Variants in ITPR1 observed in about 807,000 individuals in gnomAD.
ITPR1 encodes inositol 1,4,5-trisphosphate receptor type 1, also known as inositol 1,4,5-trisphosphate-gated calcium channel ITPR1.
ITPR1 carries 96 observed loss-of-function variants against 318.4 expected under a neutral mutation model. The ratio of observed to expected loss-of-function variants is 0.30; its 90% CI spans 0.26 to 0.36. The LOEUF is 0.36. Among genes scored for constraint, ITPR1 ranks in the 10% least tolerant of loss-of-function variants. The probability of loss-of-function intolerance (pLI) is 1.00; values close to 1 mark genes in which losing one functional copy is unlikely to be tolerated. For synonymous variants in ITPR1, 1,312 were observed against 1,289.9 expected (o/e 1.02, Z -0.37); for missense variants, 2,440 against 3,460.2 (o/e 0.71, Z 7.40).
intron 17 of ITPR1, among the ~76,000 whole-genome samples, chr3:4,665,512 T>A (rs1245605941): frequency 2.0e-5 from 3 of 152,234 alleles, no homozygotes; most frequent in Admixed American, 6.5e-5. Context: ...TGCAGACATC[T>A]TTCTATGAGA....
At chr3:4,558,686 A>G (rs2125012782) in intron 4 of ITPR1, among the ~76,000 whole-genome samples, 1 of 152,316 alleles carries the variant, frequency 6.6e-6, no homozygotes, top group East Asian at 1.9e-4. Flanking sequence ...AACTATGAAT[A>G]TGTCTTCTCT....
rs527430501 is a variant in ITPR1, at chr3:4,787,271, G to A, written c.6616-676G>A. Reference sequence around the variant, plus strand: ...AAATTAATGGGTTCACAGGGAGGTGGAGGTTGCAGTGAGCTGAGATCGCAC... The same window carrying A: ...AAATTAATGGGTTCACAGGGAGGTGAAGGTTGCAGTGAGCTGAGATCGCAC... On this transcript the variant is annotated intron_variant, in intron 51 of 61. Transcript: ENST00000649015. Among the ~76,000 whole-genome samples the A allele has an allele frequency of 4.1e-5, 6 of 145,722 alleles. No individual in the cohort carries two copies. In the South Asian group the frequency reaches 1.3e-3, roughly 32 times the overall value.
In ITPR1 at chr3:4,710,769, T is replaced by TA. The variant is rs2041296770; in HGVS notation, c.4991+302dup. On this transcript the variant is annotated intron_variant, in intron 38 of 61. Coordinates refer to ENST00000649015, the MANE Select transcript of ITPR1 (RefSeq NM_001378452.1). The surrounding 1 kb of genome is among the most constrained non-coding windows in gnomAD (Gnocchi z 4.2). ...CCCACCGTGTGCTGTGGTACAGACATAAAAAAGCCATGATCCCTCAGCCCT... is the reference window on the plus strand; with the variant it reads ...CCCACCGTGTGCTGTGGTACAGACATAAAAAAAGCCATGATCCCTCAGCCCT... 6.6e-6 allele frequency among the ~76,000 whole-genome samples: 1 copy of TA among 152,164 alleles called. No individual in the cohort carries two copies. Among genetic ancestry groups the TA allele is most frequent in the African/African-American group, 2.4e-5 (1 of 41,436 alleles).
At chr3:4,677,704 A>T (rs1051157360) in intron 24 of ITPR1, among the ~76,000 whole-genome samples, 1 of 152,196 alleles carries the variant, frequency 6.6e-6, no homozygotes, top group African/African-American at 2.4e-5. Flanking sequence ...TGTTGGTAAC[A>T]TGGTTTATTT....
In ITPR1 at chr3:4,753,893, A is replaced by G. The variant is rs1233355446; in HGVS notation, c.5545-12637A>G. 3.3e-5 allele frequency among the ~76,000 whole-genome samples: 5 copies of G among 151,956 alleles called. No homozygotes were observed. The East Asian group carries it at 7.7e-4, about 23-fold the overall frequency. On this transcript the variant is annotated intron_variant, in intron 44 of 61. Transcript: ENST00000649015. ...CAAGTGGTTCTCCTCCTCTTTCTCC[A>G]TTGCAGATGAGGGAACTGAGGATGG... is the stretch of plus-strand genomic sequence containing the variant.
At chr3:4,751,830 G>C (rs1269142186) in intron 44 of ITPR1, among the ~76,000 whole-genome samples, 1 of 152,198 alleles carries the variant, frequency 6.6e-6, no homozygotes, top group Non-Finnish European at 1.5e-5. Context: ...TCCTGATGCA[G>C]GGACAGTGAA....
Position 4,823,837 on chromosome 3 carries a change from A to G in ITPR1, c.8028+5595A>G, listed in dbSNP as rs553930145. On this transcript the variant is annotated intron_variant, in intron 60 of 61. Coordinates refer to ENST00000649015, the MANE Select transcript of ITPR1 (RefSeq NM_001378452.1). ...CCTTGACTGGATCACTAGGCACTAT[A>G]TACATGTAACACAATTTCATATATA... Among the ~76,000 whole-genome samples, 135 of 152,346 alleles carry G rather than the reference A, an allele frequency of 8.9e-4. 1 individual carries two copies. The highest frequency in any genetic ancestry group is 3.1e-3 in the African/African-American group (129 of 41,572).
intron 52 of ITPR1, among the ~76,000 whole-genome samples, chr3:4,790,128 T>C (rs530635862): frequency 6.5e-4 from 99 of 152,320 alleles, no homozygotes; most frequent in African/African-American, 2.3e-3. Flanking sequence ...TTTTCACCTT[T>C]TCTGGTGAGA....
rs1308602636 is a variant in ITPR1 at position 4,633,058 on chromosome 3, C to T, written c.279+5180C>T. On this transcript the variant is annotated intron_variant, in intron 5 of 61. Coordinates refer to ENST00000649015, the MANE Select transcript of ITPR1 (RefSeq NM_001378452.1). Reference sequence around the variant, plus strand: ...GGTTCAAGCGATTTCCCTGCCTTAGCGTCCTGAGTAGCTGGGACTTCAGGG... The same window carrying T: ...GGTTCAAGCGATTTCCCTGCCTTAGTGTCCTGAGTAGCTGGGACTTCAGGG... 2.0e-5 allele frequency among the ~76,000 whole-genome samples: 3 copies of T among 149,964 alleles called. No homozygotes were observed. In the Admixed American group the frequency reaches 2.0e-4, roughly 10 times the overall value.
intron 2 of ITPR1, among the ~76,000 whole-genome samples, chr3:4,513,687 A>G (rs1323199389): frequency 6.6e-6 from 1 of 152,240 alleles, no homozygotes; most frequent in South Asian, 2.1e-4. Context: ...AGAATTGTGC[A>G]TAAGAAGAAA....
At chr3:4,531,534 C>T (rs1175985868) in intron 4 of ITPR1, among the ~76,000 whole-genome samples, 1 of 152,082 alleles carries the variant, frequency 6.6e-6, no homozygotes, top group Non-Finnish European at 1.5e-5. Context: ...CAGTTGTGCT[C>T]AGGATAAAAG....
chr3:4,498,394 G>A (rs2080765553), intron 2 of ITPR1, among the ~76,000 whole-genome samples: 1 of 152,160 alleles, frequency 6.6e-6, no homozygotes, highest in Non-Finnish European at 1.5e-5. Flanking sequence ...CCCTGAGATA[G>A]GAGTGTTTGT....
At chr3:4,782,513 C>A in intron 49 of ITPR1, 106 bp from the exon 50 acceptor site, 1 of 1,214,960 alleles carries the variant, frequency 8.2e-7, no homozygotes. Flanking sequence ...GAGTGCGGAA[C>A]AGCCTTTTCC....
chr3:4,562,794 TGA>T (rs1156981238), intron 4 of ITPR1, among the ~76,000 whole-genome samples: 3 of 151,072 alleles, frequency 2.0e-5, no homozygotes, highest in Non-Finnish European at 4.4e-5. Flanking sequence ...GAGATAGTGT[TGA>T]GTGAGACAAA....
intron 44 of ITPR1, among the ~76,000 whole-genome samples, chr3:4,763,856 G>T (rs1166468373): frequency 2.0e-5 from 3 of 152,262 alleles, no homozygotes; most frequent in African/African-American, 7.2e-5. Flanking sequence ...CAGGCTATCT[G>T]TGTGTGTCGC....
chr3:4,702,976 T>A, intron 36 of ITPR1, 26 bp downstream of exon 36: 1 of 1,603,430 alleles, frequency 6.2e-7, no homozygotes, highest in Non-Finnish European at 8.5e-7. Context: ...AGTTTGGATA[T>A]ACGTGATGAA....
intron 10 of ITPR1, among the ~76,000 whole-genome samples, chr3:4,651,144 C>T (rs958982078): frequency 1.3e-5 from 2 of 152,194 alleles, no homozygotes; most frequent in Admixed American, 1.3e-4. Context: ...AATCAGGACT[C>T]CTCCCAGCCC....
chr3:4,799,550 A>C (rs2048093528), intron 53 of ITPR1, among the ~76,000 whole-genome samples: 2 of 152,200 alleles, frequency 1.3e-5, no homozygotes, highest in African/African-American at 4.8e-5. Context: ...GAAGAAGTGA[A>C]GCTCCTTTAT....
At chr3:4,800,179 C>G in intron 53 of ITPR1, 1 of 499,762 alleles carries the variant, frequency 2.0e-6, no homozygotes, top group Non-Finnish European at 3.5e-6. Flanking sequence ...GAAGTAATGT[C>G]AAAGCTAAGA....
Sources: gnomAD v4.1 joint callset for allele counts (sites outside exome capture counted in the v4.1 genomes callset) on GRCh38, gnomAD v4.1.1 for gene constraint, Gnocchi (gnomAD v3.1) non-coding constraint, MANE v1.5 for transcripts, NCBI Gene and HGNC (gene_info 2026-07-23, HGNC 2026-07-21) for gene names.